The following RBFOX1 variants were observed in gnomAD, a reference collection of about 807,000 sequenced individuals.
RBFOX1 encodes RNA binding fox-1 homolog 1.
In RBFOX1, 8 loss-of-function variants were observed where a neutral mutation model predicts 57.7. That is an observed-to-expected ratio of 0.14 (90% CI 0.08 to 0.25). The LOEUF (loss-of-function observed/expected upper bound fraction) is 0.25. Among genes scored for constraint, RBFOX1 ranks in the 10% least tolerant of loss-of-function variants. The pLI, the probability that RBFOX1 is intolerant of heterozygous loss-of-function variation, is 1.00. For synonymous variants in RBFOX1, 326 were observed against 222.4 expected (o/e 1.47, Z -4.15); for missense variants, 611 against 548.5 (o/e 1.11, Z -1.14).
At chr16:5,648,915 T>A (rs2049138523) in intron 3 of RBFOX1, among the ~76,000 whole-genome samples, 1 of 151,826 alleles carries the variant, frequency 6.6e-6, no homozygotes, top group Admixed American at 6.6e-5. Context: ...AATACAAAAA[T>A]TAGCCGGGTG....
intron 7 of RBFOX1, among the ~76,000 whole-genome samples, chr16:7,594,009 G>C (rs560062435): frequency 6.6e-6 from 1 of 151,980 alleles, no homozygotes; most frequent in Non-Finnish European, 1.5e-5. Flanking sequence ...AAGTTCTAGG[G>C]TACAGGTGCA....
intron 1 of RBFOX1, among the ~76,000 whole-genome samples, chr16:6,232,044 C>T (rs1567732294): frequency 6.6e-6 from 1 of 152,128 alleles, no homozygotes; most frequent in Non-Finnish European, 1.5e-5. Flanking sequence ...CCAATATTTC[C>T]TGAAATTCAT....
intron 4 of RBFOX1, among the ~76,000 whole-genome samples, chr16:7,155,134 T>G (rs889195097): frequency 2.6e-5 from 4 of 152,182 alleles, no homozygotes; most frequent in Admixed American, 2.6e-4. Context: ...ACAACTGTTA[T>G]CAGCCTACAG....
At chr16:7,347,241 C>T (rs752918505) in intron 4 of RBFOX1, among the ~76,000 whole-genome samples, 10 of 152,112 alleles carry the variant, frequency 6.6e-5, no homozygotes, top group Admixed American at 6.6e-4. Context: ...TAAAGACATA[C>T]CGGAGACTGG....
At chr16:7,695,967 GGA>G (rs2078683939) in intron 14 of RBFOX1, among the ~76,000 whole-genome samples, 1 of 152,192 alleles carries the variant, frequency 6.6e-6, no homozygotes, top group Non-Finnish European at 1.5e-5. Context: ...GGCTTCGGGT[GGA>G]GATAGTGAGA....
intron 12 of RBFOX1, among the ~76,000 whole-genome samples, chr16:7,657,357 T>G (rs2066564600): frequency 6.6e-6 from 1 of 152,188 alleles, no homozygotes; most frequent in Non-Finnish European, 1.5e-5. Context: ...CAGGCTTGAG[T>G]GCAATGGCAC....
intron 3 of RBFOX1, among the ~76,000 whole-genome samples, chr16:6,998,283 T>A (rs1267038151): frequency 6.6e-6 from 1 of 152,136 alleles, no homozygotes; most frequent in Non-Finnish European, 1.5e-5. Context: ...GAAACTGGCT[T>A]AGGAGAGGAG....
intron 4 of RBFOX1, among the ~76,000 whole-genome samples, chr16:7,067,557 T>G (rs2056378134): frequency 6.6e-6 from 1 of 152,024 alleles, no homozygotes; most frequent in South Asian, 2.1e-4. Context: ...TATTATATTT[T>G]AAGTTTTAGG....
At chr16:7,076,382 C>T (rs1008130178) in intron 4 of RBFOX1, among the ~76,000 whole-genome samples, 1 of 151,750 alleles carries the variant, frequency 6.6e-6, no homozygotes, top group African/African-American at 2.4e-5. Context: ...TTTATTTTAC[C>T]CGAGTCTTTG....
intron 3 of RBFOX1, among the ~76,000 whole-genome samples, chr16:6,879,458 T>C (rs1454688571): frequency 2.0e-5 from 3 of 152,356 alleles, no homozygotes; most frequent in African/African-American, 7.2e-5. Context: ...TTCATCTTTG[T>C]GTGTATCATT....
In RBFOX1 at chr16:6,067,412, C is replaced by G. The variant is rs562097889; in HGVS notation, c.-127+47420C>G. On this transcript the variant is annotated intron_variant, in intron 1 of 15. Transcript: ENST00000550418. ...ACAAACAAACAAACAAACAAACACC[C>G]TGAAAATACAAGCGAATGCCTGGAT... is the stretch of plus-strand genomic sequence containing the variant. Among the ~76,000 whole-genome samples, 6 of 152,106 alleles carry G rather than the reference C, an allele frequency of 3.9e-5. No homozygotes were observed. In the East Asian group the frequency reaches 1.2e-3, roughly 29 times the overall value.
intron 3 of RBFOX1, among the ~76,000 whole-genome samples, chr16:6,833,198 T>C (rs2092835175): frequency 6.6e-6 from 1 of 151,974 alleles, no homozygotes. Flanking sequence ...CGGGGTCTTT[T>C]TCTGTCACCC....
intron 2 of RBFOX1, among the ~76,000 whole-genome samples, chr16:6,575,923 T>G (rs1162906968): frequency 6.6e-6 from 1 of 151,412 alleles, no homozygotes; most frequent in Admixed American, 6.6e-5. Context: ...GCAAGATAAT[T>G]TAGCCAGTTT....
chr16:7,517,578 TAACAC>T, intron 4 of RBFOX1, among the ~76,000 whole-genome samples: 1 of 150,214 alleles, frequency 6.7e-6, no homozygotes, highest in South Asian at 2.1e-4. Context: ...ACACACAACA[TAACAC>T]ACAACCACAC....
At chr16:7,125,986 G>T (rs1209665735) in intron 4 of RBFOX1, among the ~76,000 whole-genome samples, 1 of 152,164 alleles carries the variant, frequency 6.6e-6, no homozygotes, top group East Asian at 1.9e-4. Context: ...GGGAGGCTGA[G>T]GCAGGAGAAT....
intron 1 of RBFOX1, among the ~76,000 whole-genome samples, chr16:6,312,659 TC>T (rs1295233398): frequency 7.1e-5 from 1 of 14,012 alleles, no homozygotes; most frequent in Non-Finnish European, 1.9e-4. Context: ...CTTCTTTCCT[TC>T]CTTCCTTCCT....
intron 4 of RBFOX1, among the ~76,000 whole-genome samples, chr16:7,164,340 C>T (rs969593150): frequency 6.6e-6 from 1 of 151,958 alleles, no homozygotes; most frequent in Non-Finnish European, 1.5e-5. Flanking sequence ...CTGTATATAC[C>T]ACATTTTCTT....
At chr16:7,054,012 G>C (rs932236655) in intron 4 of RBFOX1, among the ~76,000 whole-genome samples, 10 of 151,784 alleles carry the variant, frequency 6.6e-5, no homozygotes, top group African/African-American at 2.4e-4. Context: ...AGTTCCCTCT[G>C]GGAGACCCCT....
intron 3 of RBFOX1, among the ~76,000 whole-genome samples, chr16:6,709,475 C>T (rs962550423): frequency 3.3e-5 from 5 of 152,186 alleles, no homozygotes; most frequent in African/African-American, 1.2e-4. Context: ...TAGCTGACAG[C>T]TCTTAAAAAG....
Sources: gnomAD v4.1 joint callset for allele counts (sites outside exome capture counted in the v4.1 genomes callset) on GRCh38, gnomAD v4.1.1 for gene constraint, MANE v1.5 for transcripts, NCBI Gene and HGNC (gene_info 2026-07-23, HGNC 2026-07-21) for gene names.